The following PDK2 variants were observed in gnomAD, a reference collection of about 807,000 sequenced individuals.
PDK2 encodes pyruvate dehydrogenase kinase 2.
Under a neutral mutation model 50.4 loss-of-function variants are expected in PDK2, and 34 were observed. That is an observed-to-expected ratio of 0.68 (90% confidence interval 0.51 to 0.90). The LOEUF (loss-of-function observed/expected upper bound fraction) is 0.90, where lower values mean the gene tolerates loss of function less well. Among genes scored for constraint, PDK2 ranks in the 40% least tolerant of loss-of-function variants. The probability of loss-of-function intolerance (pLI) is 0.00; values close to 1 mark genes in which losing one functional copy is unlikely to be tolerated. For synonymous variants in PDK2, 232 were observed against 216.0 expected (o/e 1.07, Z -0.65); for missense variants, 377 against 544.5 (o/e 0.69, Z 3.06).
In PDK2 at chr17:50,108,210, A is replaced by C; in HGVS notation, c.740A>C (p.His247Pro). ...GTCTACGTCCCCTCCCACCTCTACCACATGCTCTTTGAGCTCTTCAAGGTG... is the reference window on the plus strand; with the variant it reads ...GTCTACGTCCCCTCCCACCTCTACCCCATGCTCTTTGAGCTCTTCAAGGTG... ...HMVYVPSHLY[H>P]MLFELFKNAM... Residue 247 changes from histidine to proline, a missense_variant, in exon 7 of 11, where the codon CAC becomes CCC. His to Pro is a moderately conservative substitution (Grantham distance 77). Coordinates refer to ENST00000503176, the MANE Select transcript of PDK2 (RefSeq NM_002611.5). 1 of 1,598,958 alleles carries C rather than the reference A, an allele frequency of 6.3e-7. No individual in the cohort carries two copies. Among genetic ancestry groups the C allele is most frequent in the Non-Finnish European group, 8.5e-7 (1 of 1,171,568 alleles).
At chr17:50,099,183 T>TG (rs1446869462) in intron 2 of PDK2, among the ~76,000 whole-genome samples, 2 of 151,736 alleles carry the variant, frequency 1.3e-5, no homozygotes, top group East Asian at 3.9e-4. Flanking sequence ...TACCATCTGT[T>TG]CTCCCTGGCC....
At chr17:50,100,064 G>T (rs1271940673) in intron 2 of PDK2, among the ~76,000 whole-genome samples, 1 of 152,208 alleles carries the variant, frequency 6.6e-6, no homozygotes, top group East Asian at 1.9e-4. Context: ...CCTGAGAGGA[G>T]GGGGGAGACT....
chr17:50,099,523 G>C (rs974633740), intron 2 of PDK2, among the ~76,000 whole-genome samples: 3 of 152,402 alleles, frequency 2.0e-5, no homozygotes, highest in African/African-American at 7.2e-5. Context: ...GCCGGGCGCG[G>C]TGGCTCACGC....
chr17:50,108,842 T>C, intron 9 of PDK2, 123 bp downstream of exon 9: 1 of 659,614 alleles, frequency 1.5e-6, no homozygotes, highest in Non-Finnish European at 2.7e-6. Context: ...CTGTCTTGAA[T>C]CTGGGCCCCC....
chr17:50,106,263 ATT>A, intron 4 of PDK2, 194 bp downstream of exon 4: 2 of 1,399,224 alleles, frequency 1.4e-6, no homozygotes, highest in Non-Finnish European at 1.9e-6. Flanking sequence ...TTGATTTTCC[ATT>A]TCAAAACGTT....
rs187772762 is a variant in PDK2, at chr17:50,110,055, C to T, written c.1182C>T (p.Pro394=). The change falls in exon 11 of 11, where the codon CCC becomes CCT. Residue 394 remains proline, a synonymous_variant. Coordinates refer to ENST00000503176, the MANE Select transcript of PDK2 (RefSeq NM_002611.5). ...AGGAGGCCGGCGACTGGTGTGTGCC[C>T]AGCACGGAGCCCAAGAACACGTCCA... The part of the protein sequence containing the change: ...TIQEAGDWCV[P]STEPKNTSTY... 1.2e-6 allele frequency: 2 copies of T among 1,611,106 alleles called. No homozygotes were observed. Among genetic ancestry groups the T allele is most frequent in the Admixed American group, 1.7e-5 (1 of 59,810 alleles).
At position 50,097,493 on chromosome 17, in the gene PDK2, C is replaced by T; in HGVS notation, c.189C>T (p.Asn63=). The change falls in exon 2 of 11, where the codon AAC becomes AAT. Residue 63 remains asparagine, a synonymous_variant. Coordinates refer to ENST00000503176, the MANE Select transcript of PDK2 (RefSeq NM_002611.5). The part of the protein sequence containing the change: ...LRQELPVRLA[N]IMKEINLLPD... The stretch of plus-strand genomic sequence containing the variant: ...AGGAGCTGCCTGTGCGCCTGGCCAA[C>T]ATCATGAAAGAGATCAACCTGCTTC... 1 of 1,614,026 alleles carries T rather than the reference C, an allele frequency of 6.2e-7. No individual in the cohort carries two copies. Among genetic ancestry groups the T allele is most frequent in the Non-Finnish European group, 8.5e-7 (1 of 1,180,004 alleles).
chr17:50,095,507 C>T lies in PDK2; in HGVS notation c.72C>T (p.Ser24=). 6.2e-7 allele frequency: 1 copy of T among 1,606,836 alleles called. No individual in the cohort carries two copies. Among genetic ancestry groups the T allele is most frequent in the South Asian group, 1.1e-5 (1 of 89,514 alleles). ...CGCCCAAGTACATAGAGCACTTCAGCAAGTTCTCCCCGTCCCCGCTGTCCA... is the reference window on the plus strand; with the variant it reads ...CGCCCAAGTACATAGAGCACTTCAGTAAGTTCTCCCCGTCCCCGCTGTCCA... The part of the protein sequence containing the change: ...AGAPKYIEHF[S]KFSPSPLSMK... Residue 24 remains serine, a synonymous_variant, in exon 1 of 11, where the codon AGC becomes AGT. Transcript: ENST00000503176.
At chr17:50,095,348 G>A (rs1909871716), upstream of PDK2, 3 of 906,046 alleles carry the variant, frequency 3.3e-6, no homozygotes, top group African/African-American at 1.7e-5. Context: ...AGGGTAGGGA[G>A]GAGGCGGCCG....
Position 50,105,397 on chromosome 17 carries a change from T to G in PDK2, c.287T>G (p.Met96Arg), listed in dbSNP as rs755327965. Reference protein sequence around the residue: ...SWYVQSLLDIMEFLDKDPEDH... With the variant: ...SWYVQSLLDIREFLDKDPEDH... ...TATGTCCAGAGCCTCCTGGACATCA[T>G]GGAGTTCCTGGACAAGGATCCCGAG... Residue 96 changes from methionine to arginine, a missense_variant, in exon 3 of 11, where the codon ATG becomes AGG. Transcript: ENST00000503176. 1.2e-6 allele frequency: 2 copies of G among 1,613,788 alleles called. No individual in the cohort carries two copies. The highest frequency in any genetic ancestry group is 2.2e-5 in the South Asian group (2 of 91,038).
chr17:50,107,767 G>A (rs1230001232), intron 6 of PDK2, among the ~76,000 whole-genome samples: 5 of 152,128 alleles, frequency 3.3e-5, no homozygotes, highest in Non-Finnish European at 7.3e-5. Context: ...ATAAAATGGG[G>A]TAACTCAACA....
At chr17:50,095,016 G>T, upstream of PDK2, 1 of 178,644 alleles carries the variant, frequency 5.6e-6, no homozygotes, top group Non-Finnish European at 1.2e-5. Flanking sequence ...TGAAGGAGAT[G>T]CGAGGGGGTA....
At chr17:50,108,895 G>A (rs926951112) in intron 9 of PDK2, among the ~76,000 whole-genome samples, 176 bp downstream of exon 9, 2 of 152,080 alleles carry the variant, frequency 1.3e-5, no homozygotes, top group African/African-American at 2.4e-5. Flanking sequence ...CTCACCTGTC[G>A]GATGTCTCTC....
At chr17:50,100,778 C>A (rs1023257185) in intron 2 of PDK2, 2 of 152,174 alleles carry the variant, frequency 1.3e-5, no homozygotes, top group Non-Finnish European at 2.9e-5. Context: ...AGGTGAAGAA[C>A]CTTATCTGAG....
intron 5 of PDK2, 50 bp from the exon 6 acceptor site, chr17:50,107,026 T>G (rs776167298): frequency 6.5e-7 from 1 of 1,542,770 alleles, no homozygotes; most frequent in Non-Finnish European, 9.0e-7. Flanking sequence ...TCAGGAGGAC[T>G]GCCTGCTGGG....
chr17:50,104,728 C>G (rs1316405085), intron 2 of PDK2, among the ~76,000 whole-genome samples: 1 of 152,232 alleles, frequency 6.6e-6, no homozygotes, highest in African/African-American at 2.4e-5. Context: ...CCAGCCCCAC[C>G]TGGGGACAGA....
At position 50,110,106 on chromosome 17, in the gene PDK2, G is replaced by A. The variant is rs60269840; in HGVS notation, c.*9G>A. 0.14 allele frequency: 221,607 copies of A among 1,591,234 alleles called. 16,572 individuals are homozygous for A. Among genetic ancestry groups the A allele is most frequent in the Non-Finnish European group, 0.15 (177,345 of 1,166,336 alleles). ...CGTACCGCGTCAGCTAAGGGCCGCCGTGCATCTGCACCTGAGAGGACGGAC... is the reference window on the plus strand; with the variant it reads ...CGTACCGCGTCAGCTAAGGGCCGCCATGCATCTGCACCTGAGAGGACGGAC... On this transcript the variant is annotated 3_prime_UTR_variant, in exon 11 of 11. Transcript: ENST00000503176.
chr17:50,107,133 T>A lies in PDK2; in HGVS notation c.665T>A (p.Leu222Gln). 6.2e-7 allele frequency: 1 copy of A among 1,614,048 alleles called. No individual in the cohort carries two copies. Residue 222 changes from leucine to glutamine, a missense_variant, in exon 6 of 11, where the codon CTG (leucine) becomes CAG (glutamine). Around this residue, in one of 3 missense-constraint regions of PDK2, gnomAD observed 214 missense variants for 294.0 expected, o/e 0.73. Coordinates refer to ENST00000503176, the MANE Select transcript of PDK2 (RefSeq NM_002611.5). ...AAGTATTACATGGCCTCACCTGACC[T>A]GGAGATCCAGGAGATCAATGGTGAG... The part of the protein sequence containing the change: ...CDKYYMASPD[L>Q]EIQEINAANS...
At chr17:50,106,670 T>C in intron 4 of PDK2, 124 bp from the exon 5 acceptor site, 1 of 791,780 alleles carries the variant, frequency 1.3e-6, no homozygotes, top group Non-Finnish European at 2.1e-6. Flanking sequence ...GTGGGGCAGC[T>C]TTAGGACTGG....
Sources: allele counts gnomAD v4.1 joint callset (sites outside exome capture counted in the v4.1 genomes callset), GRCh38; gene constraint gnomAD v4.1.1; regional missense constraint gnomAD v4.1.1; transcripts MANE v1.5; gene names NCBI Gene and HGNC (gene_info 2026-07-23, HGNC 2026-07-21).